Variants in GRIP1 observed in about 807,000 individuals in gnomAD.
GRIP1 encodes the protein glutamate receptor interacting protein 1.
In GRIP1, 45 loss-of-function variants were observed where a neutral mutation model predicts 129.9. That is an observed-to-expected ratio of 0.35 (90% confidence interval 0.27 to 0.44). The LOEUF is 0.44. Ranked by LOEUF, GRIP1 falls within the 20% of genes least tolerant of loss-of-function variation. GRIP1 has a pLI of 1.00. For synonymous variants in GRIP1, 530 were observed against 520.8 expected (o/e 1.02, Z -0.24); for missense variants, 1,196 against 1,396.8 (o/e 0.86, Z 2.29).
chr12:66,735,132 G>T (rs1470690477), intron 1 of GRIP1, among the ~76,000 whole-genome samples: 2 of 152,140 alleles, frequency 1.3e-5, no homozygotes, highest in African/African-American at 4.8e-5. Flanking sequence ...GTGATGGGAA[G>T]CAAAAAGTGG....
chr12:66,589,641 T>C (rs938849443), intron 2 of GRIP1, among the ~76,000 whole-genome samples: 2 of 152,136 alleles, frequency 1.3e-5, no homozygotes, highest in Admixed American at 1.3e-4. Context: ...GATTAGCATA[T>C]AAAATTACAG....
At chr12:66,956,172 CT>C (rs1349777209) in intron 1 of GRIP1, among the ~76,000 whole-genome samples, 5 of 152,318 alleles carry the variant, frequency 3.3e-5, no homozygotes, top group South Asian at 4.1e-4. Context: ...TTTTCCACTC[CT>C]GGACAGCATG....
intron 2 of GRIP1, among the ~76,000 whole-genome samples, chr12:66,581,286 C>T (rs1461552111): frequency 6.6e-6 from 1 of 151,368 alleles, no homozygotes; most frequent in East Asian, 1.9e-4. Context: ...GCACTAAATG[C>T]CCACAAGAGA....
At chr12:66,724,236 A>G (rs1384394557) in intron 1 of GRIP1, among the ~76,000 whole-genome samples, 1 of 152,188 alleles carries the variant, frequency 6.6e-6, no homozygotes, top group Non-Finnish European at 1.5e-5. Context: ...TTCTTTACAC[A>G]TATCAGCATG....
intron 1 of GRIP1, among the ~76,000 whole-genome samples, chr12:66,892,582 T>TTATATATA (rs3051168): frequency 3.6e-4 from 55 of 150,824 alleles, no homozygotes; most frequent in Admixed American, 5.3e-4. Flanking sequence ...ATTTACTCAC[T>TTATATATA]TATATATATA....
At chr12:66,428,400 A>G (rs1000300627) in intron 14 of GRIP1, among the ~76,000 whole-genome samples, 2 of 152,194 alleles carry the variant, frequency 1.3e-5, no homozygotes, top group African/African-American at 2.4e-5. Context: ...TTGTCATCAC[A>G]AAGGCTGCTT....
intron 1 of GRIP1, among the ~76,000 whole-genome samples, chr12:66,775,083 A>T (rs1265042821): frequency 6.6e-6 from 1 of 152,184 alleles, no homozygotes; most frequent in African/African-American, 2.4e-5. Flanking sequence ...CCATAAGCAG[A>T]CACACTGGGT....
intron 15 of GRIP1, among the ~76,000 whole-genome samples, chr12:66,417,576 A>T (rs746704891): frequency 5.9e-5 from 9 of 152,306 alleles, no homozygotes; most frequent in East Asian, 1.9e-4. Flanking sequence ...AGAGCTGATT[A>T]AAAAAATTCA....
intron 7 of GRIP1, among the ~76,000 whole-genome samples, chr12:66,512,052 C>G (rs997543364): frequency 1.7e-4 from 26 of 152,098 alleles, no homozygotes; most frequent in African/African-American, 6.3e-4. Flanking sequence ...CTTTCTCTCT[C>G]TTGTCACAAT....
chr12:66,450,529 G>T (rs1035447805), intron 11 of GRIP1, among the ~76,000 whole-genome samples: 1 of 148,092 alleles, frequency 6.8e-6, no homozygotes, highest in African/African-American at 2.4e-5. Context: ...AGCTCTATTT[G>T]GAGGCAAGTT....
chr12:66,557,989 CA>C (rs1414571979), intron 2 of GRIP1, among the ~76,000 whole-genome samples: 19 of 151,956 alleles, frequency 1.3e-4, no homozygotes, highest in Non-Finnish European at 1.5e-5. Flanking sequence ...ATGAAGAAAA[CA>C]ATACCAATGA....
At chr12:66,584,965 T>C (rs2063559167) in intron 2 of GRIP1, among the ~76,000 whole-genome samples, 1 of 152,106 alleles carries the variant, frequency 6.6e-6, no homozygotes, top group South Asian at 2.1e-4. Flanking sequence ...CTCCTGCCTC[T>C]ATGCCCTTCC....
intron 2 of GRIP1, among the ~76,000 whole-genome samples, chr12:66,546,127 T>C (rs2061938649): frequency 6.6e-6 from 1 of 151,826 alleles, no homozygotes; most frequent in East Asian, 1.9e-4. Context: ...AGGAACAATT[T>C]TTAAAAAGAA....
chr12:66,521,211 A>C (rs1310185529), intron 5 of GRIP1, among the ~76,000 whole-genome samples: 2 of 152,168 alleles, frequency 1.3e-5, no homozygotes, highest in African/African-American at 4.8e-5. Flanking sequence ...GTATTGTCTT[A>C]TGACTCCATA....
chr12:66,366,634 GA>G (rs2137234800), intron 23 of GRIP1, among the ~76,000 whole-genome samples: 1 of 152,326 alleles, frequency 6.6e-6, no homozygotes, highest in South Asian at 2.1e-4. Context: ...TAATTTTATT[GA>G]AAAGCATGAA....
chr12:66,740,282 G>T (rs540804587), intron 1 of GRIP1, among the ~76,000 whole-genome samples: 1 of 152,276 alleles, frequency 6.6e-6, no homozygotes, highest in East Asian at 1.9e-4. Context: ...TCTAATTTCA[G>T]GTTTGCCTTC....
intron 5 of GRIP1, among the ~76,000 whole-genome samples, chr12:66,529,377 T>C (rs996073233): frequency 1.3e-5 from 2 of 152,156 alleles, no homozygotes; most frequent in African/African-American, 4.8e-5. Flanking sequence ...TGCAAAAATA[T>C]GGAACCAGCC....
At chr12:66,979,548 C>T (rs1297516493) in intron 1 of GRIP1, among the ~76,000 whole-genome samples, 1 of 152,088 alleles carries the variant, frequency 6.6e-6, no homozygotes, top group African/African-American at 2.4e-5. Context: ...ATATTATGGC[C>T]ATGAACCCAC....
At chr12:66,451,148 C>T (rs1183838629) in intron 11 of GRIP1, among the ~76,000 whole-genome samples, 2 of 152,084 alleles carry the variant, frequency 1.3e-5, no homozygotes, top group Admixed American at 1.3e-4. Context: ...TTCCCATTCT[C>T]ACATGGAGGG....
Sources: allele counts gnomAD v4.1 joint callset (sites outside exome capture counted in the v4.1 genomes callset), GRCh38; gene constraint gnomAD v4.1.1; transcripts MANE v1.5; gene names NCBI Gene and HGNC (gene_info 2026-07-23, HGNC 2026-07-21).